The following DENND1A variants were observed in gnomAD, a reference collection of about 807,000 sequenced individuals.
DENND1A encodes the protein DENN domain containing 1A, also known as DENN domain-containing protein 1A.
In DENND1A, 51 loss-of-function variants were observed where a neutral mutation model predicts 113.7. The ratio of observed to expected loss-of-function variants is 0.45; its 90% confidence interval spans 0.36 to 0.57. The LOEUF (loss-of-function observed/expected upper bound fraction) is 0.57. Ranked by LOEUF, DENND1A falls within the 20% of genes least tolerant of loss-of-function variation. The pLI is 0.00. For missense variants in DENND1A, 1,258 were observed against 1,395.9 expected, an observed-to-expected ratio of 0.90 and a Z score of 1.57; for synonymous variants, 565 against 570.8, an observed-to-expected ratio of 0.99 and a Z score of 0.14.
rs2066612382 is a variant in DENND1A, at chr9:123,711,513, G to GTATGTATATATATATATA, written c.303-34725_303-34724insTATATATATATATACATA. On this transcript the variant is annotated intron_variant, in intron 5 of 23. Transcript: ENST00000394215. The stretch of plus-strand genomic sequence containing the variant: ...TATATATATATATATATGTATATAT[G>GTATGTATATATATATATA]TATATATATATATATATATATATAT... 2.5e-5 allele frequency among the ~76,000 whole-genome samples: 3 copies of GTATGTATATATATATATA among 121,008 alleles called. No homozygotes were observed. The Admixed American group carries it at 2.6e-4, about 11-fold the overall frequency. 79.4% of individuals were successfully genotyped at this position (121,008 alleles called of 152,430 possible). A position where few individuals can be genotyped will look rare whatever the true frequency, so the allele number is the denominator to read the frequency against.
chr9:123,905,696 G>T (rs1487440876), intron 1 of DENND1A, among the ~76,000 whole-genome samples: 1 of 151,608 alleles, frequency 6.6e-6, no homozygotes, highest in African/African-American at 2.4e-5. Flanking sequence ...GGAGCACAAA[G>T]ATTCATAAAG....
chr9:123,657,546 C>T (rs73665320), intron 8 of DENND1A, among the ~76,000 whole-genome samples: 1,770 of 152,220 alleles, frequency 0.012, 28 homozygotes, highest in African/African-American at 0.04. Flanking sequence ...TTGGAGCCTT[C>T]GAAACAGATG....
At chr9:123,704,651 G>A (rs2140770296) in intron 5 of DENND1A, among the ~76,000 whole-genome samples, 1 of 152,112 alleles carries the variant, frequency 6.6e-6, no homozygotes, top group African/African-American at 2.4e-5. Context: ...AAAGCTTTGT[G>A]GACAACTAAA....
chr9:123,383,468 C>A (rs73573317), intron 23 of DENND1A, among the ~76,000 whole-genome samples, 187 bp downstream of exon 23: 3 of 152,204 alleles, frequency 2.0e-5, no homozygotes, highest in Non-Finnish European at 4.4e-5. Context: ...CCTACCGTCA[C>A]TGTTAGGGTG....
At chr9:123,671,478 G>T in intron 6 of DENND1A, 107 bp from the exon 7 acceptor site, 2 of 1,020,458 alleles carry the variant, frequency 2.0e-6, no homozygotes, top group Non-Finnish European at 2.9e-6. Flanking sequence ...GGAGATGCTG[G>T]CCCCAGTACA....
At chr9:123,874,580 T>C (rs543147831) in intron 2 of DENND1A, among the ~76,000 whole-genome samples, 31 of 152,276 alleles carry the variant, frequency 2.0e-4, no homozygotes, top group African/African-American at 7.0e-4. Flanking sequence ...TGAACTATGA[T>C]CACGCCACTG....
intron 8 of DENND1A, among the ~76,000 whole-genome samples, chr9:123,662,573 A>G (rs954271067): frequency 7.2e-5 from 11 of 152,182 alleles, no homozygotes; most frequent in Non-Finnish European, 1.6e-4. Context: ...AAAAAGAAGA[A>G]GAGAGTTATT....
At position 123,383,847 on chromosome 9, in the gene DENND1A, C is replaced by T; in HGVS notation, c.1827G>A (p.Glu609=). The change falls in exon 23 of 24, where the codon GAG becomes GAA. Residue 609 remains glutamate, a synonymous_variant. Coordinates refer to ENST00000394215, the MANE Select transcript of DENND1A (RefSeq NM_001352964.2). The part of the protein sequence containing the change: ...SAEGDEAESP[E]QQVRKSTGPV... The stretch of plus-strand genomic sequence containing the variant: ...GGCCTGTGGACTTCCGCACTTGCTG[C>T]TCTGGACTCTCTGCCTCGTCGCCTT... 3 of 1,613,792 alleles carry T rather than the reference C, an allele frequency of 1.9e-6. No individual in the cohort carries two copies. In the East Asian group the frequency reaches 6.7e-5, roughly 36 times the overall value.
At chr9:123,815,550 AT>A (rs1837305353) in intron 2 of DENND1A, among the ~76,000 whole-genome samples, 1 of 152,254 alleles carries the variant, frequency 6.6e-6, no homozygotes, top group Non-Finnish European at 1.5e-5. Flanking sequence ...AAAGATAATT[AT>A]ATAGCACTTG....
At chr9:123,447,438 G>C (rs1309761529) in intron 18 of DENND1A, among the ~76,000 whole-genome samples, 1 of 152,142 alleles carries the variant, frequency 6.6e-6, no homozygotes, top group Admixed American at 6.5e-5. Context: ...CAGCACAAAT[G>C]AACAAGCGTT....
chr9:123,640,544 CCTATCTGCTATTA>C (rs570602052), intron 9 of DENND1A, among the ~76,000 whole-genome samples: 79 of 152,210 alleles, frequency 5.2e-4, no homozygotes, highest in Non-Finnish European at 8.7e-4. Context: ...GGATTCACTC[CCTATCTGCTATTA>C]CGACGATCCT....
At chr9:123,645,385 A>G (rs1215587550) in intron 9 of DENND1A, among the ~76,000 whole-genome samples, 1 of 152,176 alleles carries the variant, frequency 6.6e-6, no homozygotes, top group Non-Finnish European at 1.5e-5. Flanking sequence ...GTTCCTCAAA[A>G]AATCTCAGGC....
At position 123,902,174 on chromosome 9, in the gene DENND1A, T is replaced by TACACACACACACAC. The variant is rs9299289; in HGVS notation, c.18-23167_18-23154dup. On this transcript the variant is annotated intron_variant, in intron 1 of 23. Coordinates refer to ENST00000394215, the MANE Select transcript of DENND1A (RefSeq NM_001352964.2). ...TATACTCATGGGTCACACACACACA[T>TACACACACACACAC]ACACACACACACACACACACACACA... 2.7e-4 allele frequency among the ~76,000 whole-genome samples: 36 copies of TACACACACACACAC among 132,154 alleles called. 1 individual carries two copies. The East Asian group carries it at 3.8e-3, about 14-fold the overall frequency. The allele number at this position is 132,154 out of a possible 152,430, so 86.7% of individuals were successfully genotyped here.
chr9:123,791,341 A>G (rs1778893), intron 3 of DENND1A, among the ~76,000 whole-genome samples: 18,263 of 152,180 alleles, frequency 0.12, 1,432 homozygotes, highest in African/African-American at 0.22. Flanking sequence ...GCGTAGTTTG[A>G]ATCTAAAGAG....
chr9:123,845,606 G>A (rs1361535138), intron 2 of DENND1A, among the ~76,000 whole-genome samples: 1 of 144,436 alleles, frequency 6.9e-6, no homozygotes, highest in East Asian at 2.1e-4. Context: ...GGAAGTTGAG[G>A]TTGCAGTGAG....
At chr9:123,699,634 T>C (rs1433280698) in intron 5 of DENND1A, among the ~76,000 whole-genome samples, 1 of 151,524 alleles carries the variant, frequency 6.6e-6, no homozygotes, top group African/African-American at 2.4e-5. Context: ...TCCCTGCGGA[T>C]ACCCAACTGC....
At chr9:123,882,709 ACTT>A (rs1848496170) in intron 1 of DENND1A, among the ~76,000 whole-genome samples, 1 of 152,154 alleles carries the variant, frequency 6.6e-6, no homozygotes, top group Non-Finnish European at 1.5e-5. Context: ...AGGTTATGTC[ACTT>A]CTTTGCTCAA....
chr9:123,768,282 T>C (rs1829156838), intron 4 of DENND1A, among the ~76,000 whole-genome samples: 1 of 152,218 alleles, frequency 6.6e-6, no homozygotes. Flanking sequence ...TAGAAGTGGC[T>C]GGCAACATTC....
At chr9:123,462,837 T>G (rs2048640004) in intron 13 of DENND1A, among the ~76,000 whole-genome samples, 1 of 152,032 alleles carries the variant, frequency 6.6e-6, no homozygotes. Flanking sequence ...TTGGAACCCT[T>G]TAGGTTCTCC....
Sources: allele counts gnomAD v4.1 joint callset (sites outside exome capture counted in the v4.1 genomes callset), GRCh38; gene constraint gnomAD v4.1.1; transcripts MANE v1.5; gene names NCBI Gene and HGNC (gene_info 2026-07-23, HGNC 2026-07-21).